SOX5: variants seen among roughly 807,000 people sequenced by gnomAD.
SOX5 encodes SRY-box transcription factor 5.
A neutral mutation model predicts 92.0 loss-of-function variants in SOX5; 9 were observed. The observed-to-expected ratio is 0.10, with a 90% confidence interval of 0.06 to 0.17. The LOEUF is 0.17. Ranked by LOEUF, SOX5 falls within the 10% of genes least tolerant of loss-of-function variation. The pLI is 1.00. For synonymous variants in SOX5, 344 were observed against 336.3 expected (o/e 1.02, Z -0.25); for missense variants, 642 against 944.5 (o/e 0.68, Z 4.20).
chr12:23,852,020 G>A (rs895697980), intron 2 of SOX5, among the ~76,000 whole-genome samples: 7 of 152,180 alleles, frequency 4.6e-5, no homozygotes, highest in South Asian at 4.1e-4. Flanking sequence ...CAAGTTAAGA[G>A]CCAAGTTAGT....
intron 1 of SOX5, among the ~76,000 whole-genome samples, chr12:24,555,040 A>G (rs1417231667): frequency 1.3e-5 from 2 of 152,236 alleles, no homozygotes; most frequent in African/African-American, 4.8e-5. Context: ...AGGACTGCTC[A>G]TGGCAGTGAT....
intron 3 of SOX5, among the ~76,000 whole-genome samples, chr12:23,800,700 A>G (rs1177419487): frequency 6.6e-6 from 1 of 152,108 alleles, no homozygotes; most frequent in Non-Finnish European, 1.5e-5. Flanking sequence ...CATTTGGGGG[A>G]AAAGAGCCTT....
chr12:24,408,114 G>C (rs765094413), intron 1 of SOX5, among the ~76,000 whole-genome samples: 16 of 152,142 alleles, frequency 1.1e-4, no homozygotes, highest in Non-Finnish European at 2.1e-4. Flanking sequence ...CTTGTGGTGA[G>C]AGCTTGCTAA....
At chr12:23,742,158 C>T (rs1484588862) in intron 4 of SOX5, among the ~76,000 whole-genome samples, 2 of 152,136 alleles carry the variant, frequency 1.3e-5, no homozygotes, top group Non-Finnish European at 2.9e-5. Flanking sequence ...TTCTTAACCC[C>T]AGTGCATTTC....
At chr12:24,364,990 G>C (rs1201821639) in intron 2 of SOX5, among the ~76,000 whole-genome samples, 1 of 152,002 alleles carries the variant, frequency 6.6e-6, no homozygotes, top group Non-Finnish European at 1.5e-5. Context: ...CAAAATAGCT[G>C]TATTTCAGTG....
intron 4 of SOX5, among the ~76,000 whole-genome samples, chr12:23,749,003 T>C (rs1035212451): frequency 2.0e-5 from 3 of 151,806 alleles, no homozygotes; most frequent in African/African-American, 7.2e-5. Flanking sequence ...ATAACATGAA[T>C]AAAAACTAAG....
chr12:24,064,395 G>A (rs117033130), intron 4 of SOX5, among the ~76,000 whole-genome samples: 2,140 of 152,182 alleles, frequency 0.014, 29 homozygotes, highest in Middle Eastern at 0.034. Context: ...TGGTAACCAC[G>A]GCACCCGATC....
chr12:24,552,658 T>C lies in SOX5; in HGVS notation c.-251+9671A>G, dbSNP rs945269417. 3.6e-4 allele frequency among the ~76,000 whole-genome samples: 55 copies of C among 152,222 alleles called. 1 individual carries two copies. The highest frequency in any genetic ancestry group is 3.5e-3 in the Admixed American group (53 of 15,288). ...ATCTGTGTGTTCAATGAATATTTTTTGGTGAATATAGGGATTAGTGAATAT... is the reference window on the plus strand; with the variant it reads ...ATCTGTGTGTTCAATGAATATTTTTCGGTGAATATAGGGATTAGTGAATAT... On this transcript the variant is annotated intron_variant, in intron 1 of 4. Transcript: ENST00000446891.
chr12:24,432,101 A>G (rs927829065), intron 1 of SOX5, among the ~76,000 whole-genome samples: 1 of 152,176 alleles, frequency 6.6e-6, no homozygotes, highest in African/African-American at 2.4e-5. Flanking sequence ...ACACTGGGCA[A>G]GCAAGCATGC....
chr12:24,244,077 G>T (rs111959530), intron 3 of SOX5, among the ~76,000 whole-genome samples: 1,643 of 150,526 alleles, frequency 0.011, 29 homozygotes, highest in African/African-American at 0.038. Flanking sequence ...GAAAAGGTTG[G>T]ACATTTTACA....
At chr12:24,479,664 C>CTTT (rs140512446) in intron 1 of SOX5, among the ~76,000 whole-genome samples, 4 of 151,256 alleles carry the variant, frequency 2.6e-5, no homozygotes, top group Admixed American at 1.3e-4. Flanking sequence ...GGTATTTATT[C>CTTT]ATTTTTTTTT....
At chr12:24,061,081 G>A (rs1939595419) in intron 4 of SOX5, among the ~76,000 whole-genome samples, 3 of 151,976 alleles carry the variant, frequency 2.0e-5, no homozygotes, top group African/African-American at 7.2e-5. Flanking sequence ...CCTGCAATTA[G>A]TAAGGACCCA....
chr12:23,662,769 T>C (rs1426975121), intron 7 of SOX5, among the ~76,000 whole-genome samples: 7 of 152,200 alleles, frequency 4.6e-5, no homozygotes, highest in African/African-American at 9.6e-5. Flanking sequence ...TTTTATGTAT[T>C]TTATGAAGAC....
At chr12:23,684,768 T>G (rs2087222375) in intron 6 of SOX5, among the ~76,000 whole-genome samples, 1 of 152,200 alleles carries the variant, frequency 6.6e-6, no homozygotes, top group Non-Finnish European at 1.5e-5. Flanking sequence ...TGATCTCATC[T>G]GTCATTTAAA....
At chr12:23,831,504 A>G (rs1404699794) in intron 3 of SOX5, among the ~76,000 whole-genome samples, 2 of 152,102 alleles carry the variant, frequency 1.3e-5, no homozygotes, top group African/African-American at 4.8e-5. Context: ...CCTTTACCCA[A>G]CAACGGTCTA....
intron 1 of SOX5, among the ~76,000 whole-genome samples, chr12:23,934,515 A>C (rs1942128920): frequency 6.7e-6 from 1 of 149,680 alleles, no homozygotes; most frequent in East Asian, 2.0e-4. Flanking sequence ...ATGATTATAC[A>C]ACATGAATAT....
intron 2 of SOX5, among the ~76,000 whole-genome samples, chr12:23,872,416 A>T (rs182353845): frequency 1.3e-5 from 2 of 152,118 alleles, no homozygotes; most frequent in East Asian, 3.9e-4. Flanking sequence ...ATACTCAAAA[A>T]TACAAGCACA....
chr12:23,564,709 G>T (rs1946774734), intron 10 of SOX5, among the ~76,000 whole-genome samples: 1 of 152,180 alleles, frequency 6.6e-6, no homozygotes, highest in Non-Finnish European at 1.5e-5. Flanking sequence ...AATATAAAAT[G>T]GCTAACTGCC....
chr12:24,424,142 A>C (rs1478543525), intron 1 of SOX5, among the ~76,000 whole-genome samples: 1 of 152,216 alleles, frequency 6.6e-6, no homozygotes, highest in Non-Finnish European at 1.5e-5. Context: ...CAAAATGAGC[A>C]TCTCCAAATT....
Sources: gnomAD v4.1 joint callset for allele counts (sites outside exome capture counted in the v4.1 genomes callset) on GRCh38, gnomAD v4.1.1 for gene constraint, MANE v1.5 for transcripts, NCBI Gene and HGNC (gene_info 2026-07-23, HGNC 2026-07-21) for gene names.